The following ALOX15 variants were observed in gnomAD, a reference collection of about 807,000 sequenced individuals.
The protein encoded by ALOX15 is polyunsaturated fatty acid lipoxygenase ALOX15.
In ALOX15, 68 loss-of-function variants were observed where a neutral mutation model predicts 71.7. That is an observed-to-expected ratio of 0.95 (90% CI 0.78 to 1.16). The LOEUF is 1.16. Ranked by LOEUF, ALOX15 falls within the 50% of genes most tolerant of loss-of-function variation. ALOX15 has a pLI of 0.00. For missense variants in ALOX15, 798 were observed against 818.8 expected (o/e 0.97, Z 0.31); for synonymous variants, 346 against 333.3 (o/e 1.04, Z -0.42).
chr17:4,639,374 C>A, intron 2 of ALOX15, 56 bp downstream of exon 2: 2 of 1,596,982 alleles, frequency 1.3e-6, no homozygotes. Flanking sequence ...CACGCGCATC[C>A]CCCCAGCTTC....
At position 4,633,268 on chromosome 17, in the gene ALOX15, A is replaced by C; in HGVS notation, c.1296T>G (p.Ala432=). ...GGGHVQLLKQ[A]GAFLTYSSFC... ...AGGAGCTGTAGGTTAGGAAGGCTCC[A>C]GCTTGCTTGAGCAGCTGCACGTGGC... Residue 432 remains alanine, a synonymous_variant, in exon 10 of 14, where the codon GCT becomes GCG. Coordinates refer to ENST00000293761, the MANE Select transcript of ALOX15 (RefSeq NM_001140.5). The C allele has an allele frequency of 6.2e-7, 1 of 1,614,204 alleles. No homozygotes were observed. The highest frequency in any genetic ancestry group is 8.5e-7 in the Non-Finnish European group (1 of 1,180,036).
chr17:4,631,793 G>A lies in ALOX15; in HGVS notation c.1810-14C>T, dbSNP rs905632837. 2.5e-6 allele frequency: 4 copies of A among 1,613,656 alleles called. No homozygotes were observed. The highest frequency in any genetic ancestry group is 3.4e-6 in the Non-Finnish European group (4 of 1,179,816). ...GCCCACAGCCACCTGGGAGGGAGAGGAAAAGGTGGCTGAGAGCCTTATGAC... is the reference window on the plus strand; with the variant it reads ...GCCCACAGCCACCTGGGAGGGAGAGAAAAAGGTGGCTGAGAGCCTTATGAC... On this transcript the variant is annotated splice_polypyrimidine_tract_variant and intron_variant, in intron 13 of 13. Transcript: ENST00000293761.
In ALOX15 at chr17:4,633,283, C is replaced by T; in HGVS notation, c.1281G>A (p.Gln427=). The stretch of plus-strand genomic sequence containing the variant: ...GGAAGGCTCCAGCTTGCTTGAGCAG[C>T]TGCACGTGGCCTCCCCCACCAGTGC... ...IMSTGGGGHV[Q]LLKQAGAFLT... The change falls in exon 10 of 14, where the codon CAG becomes CAA. Residue 427 remains glutamine (Q), a synonymous_variant. Transcript: ENST00000293761. The T allele has an allele frequency of 6.2e-7, 1 of 1,614,108 alleles. No individual in the cohort carries two copies. The highest frequency in any genetic ancestry group is 8.5e-7 in the Non-Finnish European group (1 of 1,180,004).
At chr17:4,632,340 G>T in intron 11 of ALOX15, 59 bp from the exon 12 acceptor site, 1 of 1,408,120 alleles carries the variant, frequency 7.1e-7, no homozygotes, top group Non-Finnish European at 1.0e-6. Context: ...GCGCTCAGAG[G>T]AAGAGGCCAA....
rs1567646195 is a variant in ALOX15, at chr17:4,632,021, G to A, written c.1677C>T (p.Cys559=). 1.2e-6 allele frequency: 2 copies of A among 1,613,476 alleles called. No individual in the cohort carries two copies. Among genetic ancestry groups the A allele is most frequent in the Non-Finnish European group, 8.5e-7 (1 of 1,179,808 alleles). ...TGGTTGGCGGGGGCAGCCGCATCGT[G>A]CAGGGTGCATTAGGCACCCAAGAGT... ...DWYSWVPNAP[C]TMRLPPPTTK... The change falls in exon 13 of 14, where the codon TGC becomes TGT. Residue 559 remains cysteine, a synonymous_variant. Coordinates refer to ENST00000293761, the MANE Select transcript of ALOX15 (RefSeq NM_001140.5).
chr17:4,633,961 A>G (rs1911005001), intron 8 of ALOX15, among the ~76,000 whole-genome samples: 1 of 152,222 alleles, frequency 6.6e-6, no homozygotes. Context: ...GTTCTTACTT[A>G]TAAGTGAGAG....
rs1221836101 is a variant in ALOX15, at chr17:4,633,485, G to A, written c.1177C>T (p.Leu393=). ...HPIFKLIIPH[L]RYTLEINVRA... The stretch of plus-strand genomic sequence containing the variant: ...ACGTTAATTTCCAGGGTGTATCGCA[G>A]GTGGGGAATTATAAGCTAGAGGGAG... The change falls in exon 9 of 14, where the codon CTG becomes TTG. Residue 393 remains leucine (L), a synonymous_variant. Coordinates refer to ENST00000293761, the MANE Select transcript of ALOX15 (RefSeq NM_001140.5). The A allele has an allele frequency of 1.2e-6, 2 of 1,614,114 alleles. No homozygotes were observed. The highest frequency in any genetic ancestry group is 2.2e-5 in the East Asian group (1 of 44,888).
rs538028414 is a variant in ALOX15, at chr17:4,637,315, C to T, written c.808-57G>A. The T allele has an allele frequency of 3.8e-5, 59 of 1,547,824 alleles. 1 individual carries two copies. The East Asian group carries it at 9.8e-4, about 26-fold the overall frequency. ...CAACATAAAGCATCTTCTTCCTACT[C>T]GGATTCCTCCAAGGGGGAAGAGAGT... On this transcript the variant is annotated intron_variant, in intron 6 of 13. Coordinates refer to ENST00000293761, the MANE Select transcript of ALOX15 (RefSeq NM_001140.5).
chr17:4,633,112 C>T, intron 10 of ALOX15, 34 bp downstream of exon 10: 2 of 1,609,302 alleles, frequency 1.2e-6, no homozygotes, highest in Non-Finnish European at 1.7e-6. Context: ...TCCACCCCCA[C>T]TTGCACCCCC....
chr17:4,637,615 C>T (rs1227577273), intron 6 of ALOX15, among the ~76,000 whole-genome samples: 2 of 152,034 alleles, frequency 1.3e-5, no homozygotes, highest in African/African-American at 2.4e-5. Context: ...GGTTTCACCA[C>T]GTTGCCTAGG....
chr17:4,638,892 A>G lies in ALOX15; in HGVS notation c.500T>C (p.Leu167Pro). 1 of 1,614,232 alleles carries G rather than the reference A, an allele frequency of 6.2e-7. No homozygotes were observed. The highest frequency in any genetic ancestry group is 1.1e-5 in the South Asian group (1 of 91,090). ...LYDLPVDERF[L>P]EDKRVDFEVS... ...CTCAAAGTCAACTCTCTTGTCTTCC[A>G]GAAATCGCTCATCCACAGGGAGGTC... Residue 167 changes from leucine (L) to proline (P), a missense_variant, in exon 4 of 14, where the codon CTG becomes CCG. Physicochemically the swap from Leu to Pro is moderately conservative, Grantham distance 98. Coordinates refer to ENST00000293761, the MANE Select transcript of ALOX15 (RefSeq NM_001140.5).
intron 6 of ALOX15, among the ~76,000 whole-genome samples, chr17:4,637,725 C>T (rs1180794802): frequency 1.3e-5 from 2 of 152,030 alleles, no homozygotes; most frequent in African/African-American, 4.8e-5. Flanking sequence ...AATTTTTATA[C>T]CTAGTTGAAT....
chr17:4,638,333 G>A lies in ALOX15; in HGVS notation c.691C>T (p.Gln231Ter), dbSNP rs1911185556. Residue 231 changes from glutamine to a stop codon, truncating the protein, a stop_gained, in exon 6 of 14, where the codon CAG (glutamine) becomes TAG (stop). Coordinates refer to ENST00000293761, the MANE Select transcript of ALOX15 (RefSeq NM_001140.5). LOFTEE classifies it high-confidence loss of function. ...SWKEDALFGY[Q>*]FLNGANPVVL... The stretch of plus-strand genomic sequence containing the variant: ...ACGGGGTTGGCGCCATTAAGAAACT[G>A]GTACCCAAATAAGGCATCTTCCTTC... The A allele has an allele frequency of 1.2e-6, 1 of 867,584 alleles. No homozygotes were observed. The highest frequency in any genetic ancestry group is 1.8e-6 in the Non-Finnish European group (1 of 547,966). 53.7% of individuals were successfully genotyped at this position (867,584 alleles called of 1,614,324 possible). A position where few individuals can be genotyped will look rare whatever the true frequency, so the allele number is the denominator to read the frequency against.
chr17:4,635,979 G>A lies in ALOX15; in HGVS notation c.952-11C>T, dbSNP rs1434134144. On this transcript the variant is annotated splice_polypyrimidine_tract_variant and intron_variant, in intron 7 of 13. Transcript: ENST00000293761. ...GCGGGGCAGCTGGAGCTGGAGCAGGGACAAGTGTGGGGAGAGAAGGCATGA... is the reference window on the plus strand; with the variant it reads ...GCGGGGCAGCTGGAGCTGGAGCAGGAACAAGTGTGGGGAGAGAAGGCATGA... 12 of 1,612,820 alleles carry A rather than the reference G, an allele frequency of 7.4e-6. No individual in the cohort carries two copies. Among genetic ancestry groups the A allele is most frequent in the Non-Finnish European group, 1.0e-5 (12 of 1,179,776 alleles).
At chr17:4,638,817 C>A (rs1911210427) in intron 4 of ALOX15, 33 bp downstream of exon 4, 1 of 1,613,634 alleles carries the variant, frequency 6.2e-7, no homozygotes, top group Non-Finnish European at 8.5e-7. Context: ...GACCAGGACA[C>A]CTCCCTCTCA....
rs754118923 is a variant in ALOX15 at position 4,633,308 on chromosome 17, C to T, written c.1256G>A (p.Ser419Asn). The change falls in exon 10 of 14, where the codon AGC becomes AAC. Residue 419 changes from serine to asparagine, a missense_variant. By Grantham distance (46) the Ser-to-Asn change is conservative (BLOSUM62 1). Transcript: ENST00000293761. ...CTGCACGTGGCCTCCCCCACCAGTG[C>T]TCATTATCTGAGAAGTGAGGGTGAG... Reference protein sequence around the residue: ...SDMGIFDQIMSTGGGGHVQLL... With the variant: ...SDMGIFDQIMNTGGGGHVQLL... The T allele has an allele frequency of 1.2e-6, 2 of 1,613,400 alleles. No homozygotes were observed. The highest frequency in any genetic ancestry group is 1.7e-6 in the Non-Finnish European group (2 of 1,179,570).
chr17:4,635,430 CAA>C (rs56193749), intron 8 of ALOX15, among the ~76,000 whole-genome samples: 120 of 131,108 alleles, frequency 9.2e-4, no homozygotes, highest in Non-Finnish European at 8.7e-4. Context: ...GACTCCATCT[CAA>C]AAAAAAAAAA....
In ALOX15 at chr17:4,631,240, C is replaced by A. The variant is rs1473406045; in HGVS notation, c.*360G>T. ...AAGTGAGACTCTGTCTTAACAACAA[C>A]AAAAAAATCATATTTGATTCATAAA... is the stretch of plus-strand genomic sequence containing the variant. On this transcript the variant is annotated 3_prime_UTR_variant, in exon 14 of 14. Coordinates refer to ENST00000293761, the MANE Select transcript of ALOX15 (RefSeq NM_001140.5). The A allele has an allele frequency of 1.5e-5, 3 of 200,516 alleles. No homozygotes were observed. The highest frequency in any genetic ancestry group is 3.1e-5 in the Non-Finnish European group (3 of 98,196). The allele number at this position is 200,516 out of a possible 1,614,324, so 12.4% of individuals were successfully genotyped here.
chr17:4,635,887 A>T lies in ALOX15; in HGVS notation c.1033T>A (p.Cys345Ser). ...TGGAAGTCAGAGCTGCGCACCCAGC[A>T]TTTGGCCAGAAGCCAGGCCATTGGG... Reference protein sequence around the residue: ...DPPMAWLLAKCWVRSSDFQLH... With the variant: ...DPPMAWLLAKSWVRSSDFQLH... The change falls in exon 8 of 14, where the codon TGC becomes AGC. Residue 345 changes from cysteine (C) to serine (S), a missense_variant. This residue lies in a region of ALOX15 where 490 missense variants were observed against 509.4 expected (regional missense o/e 0.96). Transcript: ENST00000293761. The T allele has an allele frequency of 1.2e-6, 2 of 1,614,246 alleles. No homozygotes were observed. The highest frequency in any genetic ancestry group is 1.7e-6 in the Non-Finnish European group (2 of 1,180,044).
Sources: allele counts gnomAD v4.1 joint callset (sites outside exome capture counted in the v4.1 genomes callset), GRCh38; gene constraint gnomAD v4.1.1; regional missense constraint gnomAD v4.1.1; transcripts MANE v1.5; gene names NCBI Gene and HGNC (gene_info 2026-07-23, HGNC 2026-07-21).